Variants in HS3ST3A1 observed in about 807,000 individuals in gnomAD.
HS3ST3A1 encodes heparan sulfate-glucosamine 3-sulfotransferase 3A1, also known as heparan sulfate glucosamine 3-O-sulfotransferase 3A1.
HS3ST3A1 carries 19 observed loss-of-function variants against 25.7 expected under a neutral mutation model. The observed-to-expected ratio is 0.74, with a 90% CI of 0.52 to 1.08. HS3ST3A1 has a LOEUF of 1.08. Among genes scored for constraint, HS3ST3A1 ranks in the 50% least tolerant of loss-of-function variants. The probability of loss-of-function intolerance (pLI) is 0.00; values close to 1 mark genes in which losing one functional copy is unlikely to be tolerated. For missense variants in HS3ST3A1, 459 were observed against 594.3 expected (o/e 0.77, Z 2.37); for synonymous variants, 226 against 278.6 (o/e 0.81, Z 1.88).
intron 1 of HS3ST3A1, among the ~76,000 whole-genome samples, chr17:13,554,495 G>A (rs1387739236): frequency 6.6e-6 from 1 of 152,186 alleles, no homozygotes; most frequent in East Asian, 1.9e-4. Flanking sequence ...TCTGACAGCC[G>A]CTAGGCCCTG....
At chr17:13,600,056 G>C (rs1228558026) in intron 1 of HS3ST3A1, among the ~76,000 whole-genome samples, 1 of 152,038 alleles carries the variant, frequency 6.6e-6, no homozygotes, top group African/African-American at 2.4e-5. Context: ...TTCCCACCTA[G>C]GACAACTATC....
At chr17:13,575,646 G>A (rs1907930735) in intron 1 of HS3ST3A1, among the ~76,000 whole-genome samples, 1 of 152,196 alleles carries the variant, frequency 6.6e-6, no homozygotes, top group South Asian at 2.1e-4. Flanking sequence ...CAAAGAGTCT[G>A]CCAATAGAAG....
intron 1 of HS3ST3A1, among the ~76,000 whole-genome samples, chr17:13,595,052 A>G (rs889283398): frequency 6.6e-6 from 1 of 151,736 alleles, no homozygotes; most frequent in Non-Finnish European, 1.5e-5. Flanking sequence ...CCCGACGGCA[A>G]GTACTAAACT....
chr17:13,596,045 A>G (rs960596384), intron 1 of HS3ST3A1, among the ~76,000 whole-genome samples: 1 of 152,206 alleles, frequency 6.6e-6, no homozygotes, highest in African/African-American at 2.4e-5. Context: ...CAACAGACTT[A>G]TTTAAAGGAG....
At chr17:13,576,529 T>C (rs559717477) in intron 1 of HS3ST3A1, among the ~76,000 whole-genome samples, 187 of 152,352 alleles carry the variant, frequency 1.2e-3, no homozygotes, top group African/African-American at 3.8e-3. Context: ...ACTTCTCTTA[T>C]ATTCTTTTTG....
In HS3ST3A1 at chr17:13,527,406, A is replaced by T. The variant is rs185411190; in HGVS notation, c.600-30588T>A. ...CCCTAATTGCTCTGTTTAATTATTG[A>T]TGTGGAAAGTGTTTCCTTTTGGGGA... On this transcript the variant is annotated intron_variant, in intron 1 of 1. Transcript: ENST00000284110. Among the ~76,000 whole-genome samples the T allele has an allele frequency of 4.2e-3, 643 of 152,282 alleles. 3 individuals are homozygous for T. Among genetic ancestry groups the T allele is most frequent in the African/African-American group, 0.015 (612 of 41,540 alleles).
At position 13,557,700 on chromosome 17, in the gene HS3ST3A1, C is replaced by G. The variant is rs111705437; in HGVS notation, c.599+42831G>C. 4.4e-3 allele frequency among the ~76,000 whole-genome samples: 675 copies of G among 152,254 alleles called. 7 individuals carry two copies. Among genetic ancestry groups the G allele is most frequent in the African/African-American group, 0.015 (626 of 41,550 alleles). On this transcript the variant is annotated intron_variant, in intron 1 of 1. Coordinates refer to ENST00000284110, the MANE Select transcript of HS3ST3A1 (RefSeq NM_006042.3). ...AAAGGTTAAGTATCATTGTGGAGGC[C>G]AAGCTTGAAGCCATCTCCTCTCAAG...
At chr17:13,551,542 C>T (rs1442526793) in intron 1 of HS3ST3A1, among the ~76,000 whole-genome samples, 1 of 147,804 alleles carries the variant, frequency 6.8e-6, no homozygotes, top group African/African-American at 2.5e-5. Flanking sequence ...CTAGATATCT[C>T]AAAACTGCCC....
At chr17:13,552,031 A>T (rs1426988476) in intron 1 of HS3ST3A1, among the ~76,000 whole-genome samples, 1 of 152,070 alleles carries the variant, frequency 6.6e-6, no homozygotes, top group East Asian at 1.9e-4. Flanking sequence ...ACCTGATTTT[A>T]TTGCTGTGTG....
chr17:13,556,845 C>T (rs1306508856), intron 1 of HS3ST3A1, among the ~76,000 whole-genome samples: 7 of 135,058 alleles, frequency 5.2e-5, no homozygotes, highest in Non-Finnish European at 9.2e-5. Flanking sequence ...GAGCGAAACT[C>T]CGCCTAAAAA....
chr17:13,562,527 C>T (rs1907575959), intron 1 of HS3ST3A1, among the ~76,000 whole-genome samples: 1 of 152,054 alleles, frequency 6.6e-6, no homozygotes, highest in Non-Finnish European at 1.5e-5. Flanking sequence ...ATAAAAATGT[C>T]CACCGTGAAA....
chr17:13,565,453 G>A (rs2142368843), intron 1 of HS3ST3A1, among the ~76,000 whole-genome samples: 2 of 152,286 alleles, frequency 1.3e-5, no homozygotes, highest in Non-Finnish European at 2.9e-5. Flanking sequence ...GATCACTTGA[G>A]CCTGGGAGGT....
At chr17:13,546,391 G>A (rs1032695468) in intron 1 of HS3ST3A1, among the ~76,000 whole-genome samples, 4 of 151,932 alleles carry the variant, frequency 2.6e-5, no homozygotes, top group Non-Finnish European at 5.9e-5. Flanking sequence ...TCAGCCTCTC[G>A]AGAAGCTGAA....
chr17:13,567,453 G>A lies in HS3ST3A1; in HGVS notation c.599+33078C>T, dbSNP rs549310454. Among the ~76,000 whole-genome samples the A allele has an allele frequency of 3.4e-4, 52 of 152,302 alleles. 1 individual carries two copies. In the South Asian group the frequency reaches 9.7e-3, roughly 29 times the overall value. ...TTGACTTTCAAGTCTCATTATTTAA[G>A]GAATATACTTTGTAAGGCTATAGCT... On this transcript the variant is annotated intron_variant, in intron 1 of 1. Coordinates refer to ENST00000284110, the MANE Select transcript of HS3ST3A1 (RefSeq NM_006042.3).
chr17:13,573,125 G>A (rs1292270454), intron 1 of HS3ST3A1, among the ~76,000 whole-genome samples: 2 of 151,970 alleles, frequency 1.3e-5, no homozygotes, highest in Non-Finnish European at 2.9e-5. Flanking sequence ...CAGTATTCTT[G>A]GCTCTCCTTA....
At chr17:13,510,531 T>G (rs1905827509) in intron 1 of HS3ST3A1, among the ~76,000 whole-genome samples, 1 of 152,232 alleles carries the variant, frequency 6.6e-6, no homozygotes, top group South Asian at 2.1e-4. Context: ...GTTTATTTTA[T>G]TCTACTAGTT....
intron 1 of HS3ST3A1, among the ~76,000 whole-genome samples, chr17:13,512,289 G>A (rs1429686565): frequency 8.3e-6 from 1 of 120,176 alleles, no homozygotes. Context: ...CTGGGCGACA[G>A]AGCGAGACTC....
intron 1 of HS3ST3A1, among the ~76,000 whole-genome samples, chr17:13,554,377 A>T (rs910562191): frequency 2.0e-5 from 3 of 152,242 alleles, no homozygotes; most frequent in African/African-American, 7.2e-5. Context: ...TGAGCAATGT[A>T]TAATGTATCA....
chr17:13,565,258 C>T (rs1461206531), intron 1 of HS3ST3A1, among the ~76,000 whole-genome samples: 1 of 152,114 alleles, frequency 6.6e-6, no homozygotes, highest in Non-Finnish European at 1.5e-5. Context: ...AAGCTTGAGG[C>T]CAGGCGCAGT....
Sources: gnomAD v4.1 joint callset for allele counts (sites outside exome capture counted in the v4.1 genomes callset) on GRCh38, gnomAD v4.1.1 for gene constraint, MANE v1.5 for transcripts, NCBI Gene and HGNC (gene_info 2026-07-23, HGNC 2026-07-21) for gene names.